Variants in PYGO2 observed in about 807,000 individuals in gnomAD.
The protein encoded by PYGO2 is pygopus homolog 2.
PYGO2 carries 9 observed loss-of-function variants against 26.7 expected under a neutral mutation model. The observed-to-expected ratio is 0.34, with a 90% CI of 0.20 to 0.59. The LOEUF (loss-of-function observed/expected upper bound fraction) is 0.59, where lower values mean the gene tolerates loss of function less well. Ranked by LOEUF, PYGO2 falls within the 20% of genes least tolerant of loss-of-function variation. The pLI, the probability that PYGO2 is intolerant of heterozygous loss-of-function variation, is 0.84. For missense variants in PYGO2, 538 were observed against 561.5 expected, an observed-to-expected ratio of 0.96 and a Z score of 0.42; for synonymous variants, 236 against 219.0, an observed-to-expected ratio of 1.08 and a Z score of -0.68.
chr1:154,957,929 A>C lies in PYGO2; in HGVS notation c.*850T>G, dbSNP rs181775423. On this transcript the variant is annotated 3_prime_UTR_variant, in exon 3 of 3. Transcript: ENST00000368457. Reference sequence around the variant, plus strand: ...ACACACGGAGTATAATGTGCAACAGATGGGCTGGGGGAGGAGGGTACCACC... The same window carrying C: ...ACACACGGAGTATAATGTGCAACAGCTGGGCTGGGGGAGGAGGGTACCACC... The C allele has an allele frequency of 1.1e-4, 17 of 152,838 alleles. No homozygotes were observed. In the East Asian group the frequency reaches 1.3e-3, roughly 12 times the overall value. The allele number at this position is 152,838 out of a possible 1,614,324, so 9.5% of individuals were successfully genotyped here. A position where few individuals can be genotyped will look rare whatever the true frequency, so the allele number is the denominator to read the frequency against.
Position 154,961,588 on chromosome 1 carries a change from C to A in PYGO2, c.-12G>T. On this transcript the variant is annotated 5_prime_UTR_variant, in exon 1 of 3. Coordinates refer to ENST00000368457, the MANE Select transcript of PYGO2 (RefSeq NM_138300.4). ...GCCGAGGCGGCCATGGAGTGGGGGA[C>A]CCGGGTTAGCGGCAGCGGCGGGGGA... 3 of 1,125,662 alleles carry A rather than the reference C, an allele frequency of 2.7e-6. No homozygotes were observed. Among genetic ancestry groups the A allele is most frequent in the South Asian group, 1.9e-5 (1 of 52,032 alleles). 69.7% of individuals were successfully genotyped at this position (1,125,662 alleles called of 1,614,324 possible).
Position 154,959,348 on chromosome 1 carries a change from G to C in PYGO2, c.652C>G (p.Pro218Ala). 7 of 1,610,114 alleles carry C rather than the reference G, an allele frequency of 4.3e-6. No individual in the cohort carries two copies. Among genetic ancestry groups the C allele is most frequent in the Non-Finnish European group, 5.9e-6 (7 of 1,178,220 alleles). Residue 218 changes from proline (P) to alanine (A), a missense_variant, in exon 3 of 3, where the codon CCA becomes GCA. Coordinates refer to ENST00000368457, the MANE Select transcript of PYGO2 (RefSeq NM_138300.4). The surrounding 1 kb of genome is among the most constrained non-coding windows in gnomAD (Gnocchi z 4.7). ...PPSLSQRFAQ[P>A]GAPFGPSPLQ... ...GGAGAAGGGCCAAAAGGAGCCCCTG[G>C]CTGAGCAAATCGTTGGGACAGAGAA... is the stretch of plus-strand genomic sequence containing the variant.
intron 2 of PYGO2, among the ~76,000 whole-genome samples, chr1:154,960,465 G>T (rs1188531538): frequency 6.6e-6 from 1 of 151,390 alleles, no homozygotes; most frequent in African/African-American, 2.4e-5. Context: ...AGAAAAAGAG[G>T]GTGGAGAGTG....
intron 2 of PYGO2, among the ~76,000 whole-genome samples, chr1:154,960,760 G>A (rs779008149): frequency 3.9e-5 from 6 of 152,172 alleles, no homozygotes; most frequent in Non-Finnish European, 7.4e-5. Context: ...AACCCTGCGT[G>A]GTAAGAACTT....
At chr1:154,960,034 G>T (rs1328579915) in intron 2 of PYGO2, among the ~76,000 whole-genome samples, 188 bp from the exon 3 acceptor site, 1 of 152,144 alleles carries the variant, frequency 6.6e-6, no homozygotes, top group African/African-American at 2.4e-5. Context: ...GGAGGCCAAG[G>T]CGGGCAGATC....
chr1:154,960,931 G>A (rs778544247), intron 2 of PYGO2, 46 bp downstream of exon 2: 5 of 1,578,976 alleles, frequency 3.2e-6, no homozygotes, highest in Non-Finnish European at 4.4e-6. Flanking sequence ...ACAGTGTGCC[G>A]CCAAGGGGCT....
intron 2 of PYGO2, among the ~76,000 whole-genome samples, chr1:154,960,340 C>T (rs1336370670): frequency 3.4e-5 from 5 of 145,880 alleles, no homozygotes; most frequent in Non-Finnish European, 7.4e-5. Flanking sequence ...TTTGGGAAGC[C>T]GAGGCAGGAG....
At position 154,961,036 on chromosome 1, in the gene PYGO2, C is replaced by T. The variant is rs968079700; in HGVS notation, c.104-10G>A. ...CTCTTCATTTGCAGACCTGGAAGAG[C>T]GGCAAAAGGAAGACGCAGACAAGTT... On this transcript the variant is annotated splice_polypyrimidine_tract_variant and intron_variant, in intron 1 of 2. Transcript: ENST00000368457. 2 of 1,610,240 alleles carry T rather than the reference C, an allele frequency of 1.2e-6. No homozygotes were observed. Among genetic ancestry groups the T allele is most frequent in the Non-Finnish European group, 1.7e-6 (2 of 1,178,282 alleles).
At position 154,958,595 on chromosome 1, in the gene PYGO2, C is replaced by G. The variant is rs1405409913; in HGVS notation, c.*184G>C. Reference sequence around the variant, plus strand: ...ATCTCAACATGTAAGTTTCCCAAAACAGTGAGCAATCCAGGCTCTTCTGCC... The same window carrying G: ...ATCTCAACATGTAAGTTTCCCAAAAGAGTGAGCAATCCAGGCTCTTCTGCC... On this transcript the variant is annotated 3_prime_UTR_variant, in exon 3 of 3. Transcript: ENST00000368457. The G allele has an allele frequency of 8.4e-6, 5 of 596,320 alleles. No individual in the cohort carries two copies. Among genetic ancestry groups the G allele is most frequent in the Non-Finnish European group, 1.2e-5 (4 of 337,742 alleles). 36.9% of individuals were successfully genotyped at this position (596,320 alleles called of 1,614,324 possible). A position where few individuals can be genotyped will look rare whatever the true frequency, so the allele number is the denominator to read the frequency against.
At position 154,959,420 on chromosome 1, in the gene PYGO2, T is replaced by C; in HGVS notation, c.580A>G (p.Ile194Val). The C allele has an allele frequency of 1.3e-6, 2 of 1,562,788 alleles. No individual in the cohort carries two copies. The highest frequency in any genetic ancestry group is 1.7e-6 in the Non-Finnish European group (2 of 1,157,412). ...GGAGGCTGTCCCATGGTGGGTGAGA[T>C]CATGGGACCAAATCCCCCCACTGGG... ...PGPVGGFGPMISPTMGQPPRA... is the reference protein window; with the variant it reads ...PGPVGGFGPMVSPTMGQPPRA... The change falls in exon 3 of 3, where the codon ATC becomes GTC. Residue 194 changes from isoleucine (I) to valine (V), a missense_variant. Physicochemically the swap from Ile to Val is conservative, Grantham distance 29 (BLOSUM62 3). This residue lies in a region of PYGO2 where 381 missense variants were observed against 336.6 expected (regional missense o/e 1.13). Transcript: ENST00000368457. The surrounding 1 kb of genome is among the most constrained non-coding windows in gnomAD (Gnocchi z 4.7).
chr1:154,957,696 CAA>C lies in PYGO2; in HGVS notation c.*1081_*1082del, dbSNP rs1336322409. ...GGCCCAAGAGGATATGAAAGAATAG[CAA>C]AGAGAAGCAACAAACTCCAGGCTCT... On this transcript the variant is annotated 3_prime_UTR_variant, in exon 3 of 3. Transcript: ENST00000368457. 6.5e-6 allele frequency: 1 copy of C among 152,692 alleles called. No individual in the cohort carries two copies. Among genetic ancestry groups the C allele is most frequent in the Admixed American group, 6.5e-5 (1 of 15,274 alleles). The allele number at this position is 152,692 out of a possible 1,614,324, so 9.5% of individuals were successfully genotyped here. A position where few individuals can be genotyped will look rare whatever the true frequency, so the allele number is the denominator to read the frequency against.
At chr1:154,961,408 A>C in intron 1 of PYGO2, 66 bp downstream of exon 1, 2 of 1,054,242 alleles carry the variant, frequency 1.9e-6, no homozygotes, top group Non-Finnish European at 1.3e-6. Context: ...CCCGCCCACC[A>C]TCCCTCCCCT....
rs772835213 is a variant in PYGO2 at position 154,959,590 on chromosome 1, G to C, written c.410C>G (p.Pro137Arg). The part of the protein sequence containing the change: ...QPLRRQPPPF[P>R]PNPMGPAFNM... ...GAAAGCAGGGCCCATAGGATTGGGA[G>C]GGAAGGGGGGTGGCTGTCGACGGAG... Residue 137 changes from proline to arginine, a missense_variant, in exon 3 of 3, where the codon CCT becomes CGT. This residue lies in a region of PYGO2 where 381 missense variants were observed against 336.6 expected (regional missense o/e 1.13). Coordinates refer to ENST00000368457, the MANE Select transcript of PYGO2 (RefSeq NM_138300.4). The surrounding 1 kb of genome is among the most constrained non-coding windows in gnomAD (Gnocchi z 4.7). 4.1e-6 allele frequency: 6 copies of C among 1,446,606 alleles called. No individual in the cohort carries two copies. Among genetic ancestry groups the C allele is most frequent in the Non-Finnish European group, 5.5e-6 (6 of 1,093,380 alleles). 89.6% of individuals were successfully genotyped at this position (1,446,606 alleles called of 1,614,324 possible). A position where few individuals can be genotyped will look rare whatever the true frequency, so the allele number is the denominator to read the frequency against.
chr1:154,958,888 G>C lies in PYGO2; in HGVS notation c.1112C>G (p.Thr371Ser). ...GCAGGCCCAGACGGCAGAAGCTTCA[G>C]TGGTCAGCAGCCCATAGGCGCTCTC... Reference protein sequence around the residue: ...MTESAYGLLTTEASAVWACDL... With the variant: ...MTESAYGLLTSEASAVWACDL... Residue 371 changes from threonine (T) to serine (S), a missense_variant, in exon 3 of 3, where the codon ACT (threonine) becomes AGT (serine). Physicochemically the swap from Thr to Ser is moderately conservative, Grantham distance 58 (BLOSUM62 1). This residue lies in a region of PYGO2 where 72 missense variants were observed against 111.9 expected (regional missense o/e 0.64). Coordinates refer to ENST00000368457, the MANE Select transcript of PYGO2 (RefSeq NM_138300.4). 1 of 1,614,068 alleles carries C rather than the reference G, an allele frequency of 6.2e-7. No homozygotes were observed. Among genetic ancestry groups the C allele is most frequent in the South Asian group, 1.1e-5 (1 of 91,090 alleles).
At chr1:154,960,523 G>C (rs1655319657) in intron 2 of PYGO2, among the ~76,000 whole-genome samples, 1 of 151,768 alleles carries the variant, frequency 6.6e-6, no homozygotes, top group Non-Finnish European at 1.5e-5. Flanking sequence ...GCAGAACTAG[G>C]ATGGAATCCC....
chr1:154,958,756 T>C lies in PYGO2; in HGVS notation c.*23A>G. 1 of 1,582,588 alleles carries C rather than the reference T, an allele frequency of 6.3e-7. No homozygotes were observed. Among genetic ancestry groups the C allele is most frequent in the Non-Finnish European group, 8.7e-7 (1 of 1,154,992 alleles). ...GAAGAGCAGGGAGAGACATGTGCAC[T>C]TCCCTGGGCCACTTCACCAGCGTCA... On this transcript the variant is annotated 3_prime_UTR_variant, in exon 3 of 3. Coordinates refer to ENST00000368457, the MANE Select transcript of PYGO2 (RefSeq NM_138300.4).
In PYGO2 at chr1:154,961,660, G is replaced by A. The variant is rs1395707028; in HGVS notation, c.-84C>T. 10 of 467,608 alleles carry A rather than the reference G, an allele frequency of 2.1e-5. 1 individual carries two copies. Among genetic ancestry groups the A allele is most frequent in the Admixed American group, 4.3e-5 (1 of 23,312 alleles). The allele number at this position is 467,608 out of a possible 1,614,324, so 29.0% of individuals were successfully genotyped here. A position where few individuals can be genotyped will look rare whatever the true frequency, so the allele number is the denominator to read the frequency against. On this transcript the variant is annotated 5_prime_UTR_variant, in exon 1 of 3. Coordinates refer to ENST00000368457, the MANE Select transcript of PYGO2 (RefSeq NM_138300.4). ...CCATCGCCCAGAAGGGGTGTCAGGG[G>A]CAGCCCAGGCCCCCGAGCTGCAGCA...
intron 1 of PYGO2, 69 bp from the exon 2 acceptor site, chr1:154,961,095 C>T (rs1311746026): frequency 6.7e-7 from 1 of 1,481,676 alleles, no homozygotes; most frequent in Admixed American, 1.9e-5. Flanking sequence ...TTTCTCTCAG[C>T]CATGCTCTGA....
chr1:154,959,056 C>A lies in PYGO2; in HGVS notation c.944G>T (p.Gly315Val). 2 of 1,613,308 alleles carry A rather than the reference C, an allele frequency of 1.2e-6. No homozygotes were observed. Among genetic ancestry groups the A allele is most frequent in the South Asian group, 1.1e-5 (1 of 91,078 alleles). The change falls in exon 3 of 3, where the codon GGT becomes GTT. Residue 315 changes from glycine (G) to valine (V), a missense_variant. Coordinates refer to ENST00000368457, the MANE Select transcript of PYGO2 (RefSeq NM_138300.4). This position sits in a 1 kb window ranked among gnomAD's most constrained non-coding sequence, Gnocchi z 4.7. ...GGGAGGCTGGGGCCCGGAGCCCCCA[C>A]CTGCCTTGCCAGGGGGTGCCAAGCT... is the stretch of plus-strand genomic sequence containing the variant. ...ANSLAPPGKA[G>V]GGSGPQPPPG... is the part of the protein sequence containing the mutation.
Sources: allele counts gnomAD v4.1 joint callset (sites outside exome capture counted in the v4.1 genomes callset), GRCh38; gene constraint gnomAD v4.1.1; regional missense constraint gnomAD v4.1.1; non-coding constraint Gnocchi (gnomAD v3.1); transcripts MANE v1.5; gene names NCBI Gene and HGNC (gene_info 2026-07-23, HGNC 2026-07-21).